The following OC90 variants were observed in gnomAD, a reference collection of about 807,000 sequenced individuals.
OC90 encodes the protein otoconin 90.
OC90 carries 46 observed loss-of-function variants against 47.3 expected under a neutral mutation model. That is an observed-to-expected ratio of 0.97 (90% CI 0.77 to 1.24). OC90 has a LOEUF of 1.24. Ranked by LOEUF, OC90 falls within the 50% of genes most tolerant of loss-of-function variation. The pLI, the probability that OC90 is intolerant of heterozygous loss-of-function variation, is 0.00. For missense variants in OC90, 688 were observed against 583.9 expected, an observed-to-expected ratio of 1.18 and a Z score of -1.84; for synonymous variants, 271 against 219.5, an observed-to-expected ratio of 1.23 and a Z score of -2.07.
At chr8:132,032,631 C>T (rs1448008541) in intron 11 of OC90, among the ~76,000 whole-genome samples, 2 of 152,252 alleles carry the variant, frequency 1.3e-5, no homozygotes, top group African/African-American at 4.8e-5. Context: ...GTATGCCCAA[C>T]AGGCCGTGGC....
At chr8:132,029,409 C>A (rs1364292853) in intron 12 of OC90, among the ~76,000 whole-genome samples, 1 of 152,144 alleles carries the variant, frequency 6.6e-6, no homozygotes, top group Non-Finnish European at 1.5e-5. Flanking sequence ...ATATTGTATG[C>A]ATCTTATTAT....
At chr8:132,028,117 C>A (rs1822785154) in intron 13 of OC90, among the ~76,000 whole-genome samples, 1 of 152,174 alleles carries the variant, frequency 6.6e-6, no homozygotes, top group African/African-American at 2.4e-5. Context: ...TCCCAGCCTG[C>A]TCGTCACCGG....
intron 13 of OC90, among the ~76,000 whole-genome samples, chr8:132,026,124 G>A (rs542524296): frequency 2.6e-5 from 4 of 152,306 alleles, no homozygotes; most frequent in East Asian, 1.9e-4. Context: ...TGGGCATCAT[G>A]TATTTTTATT....
At chr8:132,042,319 T>C (rs901661994) in intron 4 of OC90, among the ~76,000 whole-genome samples, 7 of 152,198 alleles carry the variant, frequency 4.6e-5, no homozygotes, top group Non-Finnish European at 1.0e-4. Context: ...ACCACACGCA[T>C]ATTGGTGCCT....
chr8:132,035,100 T>C (rs898913135), intron 9 of OC90, among the ~76,000 whole-genome samples: 4 of 152,194 alleles, frequency 2.6e-5, no homozygotes, highest in Non-Finnish European at 5.9e-5. Context: ...GCAAATACTT[T>C]GGGAATGACA....
At chr8:132,041,401 A>C in intron 5 of OC90, 124 bp downstream of exon 5, 1 of 821,340 alleles carries the variant, frequency 1.2e-6, no homozygotes, top group Non-Finnish European at 1.9e-6. Flanking sequence ...AGGTAGTGGA[A>C]TTAAACCCTC....
In OC90 at chr8:132,044,476, G is replaced by A; in HGVS notation, c.126C>T (p.Phe42=). The A allele has an allele frequency of 6.4e-7, 1 of 1,551,800 alleles. No individual in the cohort carries two copies. The highest frequency in any genetic ancestry group is 8.8e-7 in the Non-Finnish European group (1 of 1,139,150). ...GLPNNINITF[F]SGMFKNVESV... Reference sequence around the variant, plus strand: ...TTTCCACATTTTTAAACATCCCACTGAAGAAAGTGATATCTAAGTGTAAGA... The same window carrying A: ...TTTCCACATTTTTAAACATCCCACTAAAGAAAGTGATATCTAAGTGTAAGA... Residue 42 remains phenylalanine (F), a synonymous_variant, in exon 4 of 14, where the codon TTC becomes TTT. Coordinates refer to ENST00000254627, the MANE Select transcript of OC90 (RefSeq NM_001080399.3).
chr8:132,025,067 G>A (rs1822736292), intron 13 of OC90, among the ~76,000 whole-genome samples: 1 of 152,232 alleles, frequency 6.6e-6, no homozygotes, highest in South Asian at 2.1e-4. Flanking sequence ...TGTCTTTCCT[G>A]TGGGCTCCCA....
chr8:132,052,336 T>C (rs143418915), intron 2 of OC90, among the ~76,000 whole-genome samples: 78 of 152,350 alleles, frequency 5.1e-4, no homozygotes, highest in Non-Finnish European at 9.6e-4. Context: ...ATAATTGCCT[T>C]GGAAATTAAT....
intron 1 of OC90, among the ~76,000 whole-genome samples, chr8:132,059,137 C>T (rs1348089002): frequency 1.3e-5 from 2 of 150,276 alleles, no homozygotes; most frequent in African/African-American, 2.5e-5. Flanking sequence ...CTCCTTCCTC[C>T]TACCCTTTCT....
intron 3 of OC90, among the ~76,000 whole-genome samples, chr8:132,044,713 C>A (rs534809365): frequency 1.3e-5 from 2 of 152,136 alleles, no homozygotes; most frequent in Non-Finnish European, 2.9e-5. Context: ...GTACAAATGA[C>A]CCCTGGGTGG....
chr8:132,029,836 GA>G (rs1408440721), intron 12 of OC90, among the ~76,000 whole-genome samples: 1 of 152,178 alleles, frequency 6.6e-6, no homozygotes, highest in Non-Finnish European at 1.5e-5. Flanking sequence ...ACATCCTTAA[GA>G]AACTTATGAT....
chr8:132,055,074 C>T lies in OC90; in HGVS notation c.-47-1G>A. Reference sequence around the variant, plus strand: ...CTTAGGCAGCAACTGGAACGGACTCCTGGGAGAGAAGCCAGCAGAATAGGA... The same window carrying T: ...CTTAGGCAGCAACTGGAACGGACTCTTGGGAGAGAAGCCAGCAGAATAGGA... On this transcript the variant is annotated splice_acceptor_variant, in intron 1 of 13. Transcript: ENST00000254627. LOFTEE classifies it low-confidence loss of function (5UTR_SPLICE). 2.0e-6 allele frequency: 3 copies of T among 1,472,928 alleles called. No homozygotes were observed. The highest frequency in any genetic ancestry group is 4.9e-5 in the East Asian group (2 of 40,494). 91.2% of individuals were successfully genotyped at this position (1,472,928 alleles called of 1,614,324 possible).
At chr8:132,049,836 A>C (rs1209138993) in intron 2 of OC90, 6 of 518,500 alleles carry the variant, frequency 1.2e-5, no homozygotes, top group South Asian at 8.4e-5. Flanking sequence ...CATGGCTGTA[A>C]TGTATCACAG....
intron 1 of OC90, among the ~76,000 whole-genome samples, chr8:132,056,175 G>C (rs1167076188): frequency 6.6e-6 from 1 of 152,148 alleles, no homozygotes; most frequent in Non-Finnish European, 1.5e-5. Context: ...AAAAGCCAGA[G>C]CTTGACTCTG....
Position 132,024,387 on chromosome 8 carries a change from A to G in OC90, c.*94T>C, listed in dbSNP as rs927447458. ...CGCCTCTGAGTTAAAGGAAGGGAAG[A>G]AGGCTCCAAGGGACAGAGGAGGCTG... On this transcript the variant is annotated 3_prime_UTR_variant, in exon 14 of 14. Transcript: ENST00000254627. 2.3e-5 allele frequency: 24 copies of G among 1,028,626 alleles called. No homozygotes were observed. The highest frequency in any genetic ancestry group is 3.2e-5 in the Non-Finnish European group (23 of 720,252). 63.7% of individuals were successfully genotyped at this position (1,028,626 alleles called of 1,614,324 possible).
intron 2 of OC90, among the ~76,000 whole-genome samples, chr8:132,048,102 A>T (rs1278412006): frequency 6.6e-6 from 1 of 152,232 alleles, no homozygotes; most frequent in Non-Finnish European, 1.5e-5. Flanking sequence ...ACACTGAATC[A>T]TCTGGTGCCT....
chr8:132,031,777 G>A (rs1822878457), intron 12 of OC90, 104 bp downstream of exon 12: 1 of 953,782 alleles, frequency 1.0e-6, no homozygotes, highest in Non-Finnish European at 1.6e-6. Flanking sequence ...AGCATTTAGT[G>A]AGGCCCAAGT....
rs868212953 is a variant in OC90 at position 132,043,409 on chromosome 8, C to T, written c.169+1024G>A. Among the ~76,000 whole-genome samples, 5 of 152,366 alleles carry T rather than the reference C, an allele frequency of 3.3e-5. No homozygotes were observed. The Middle Eastern group carries it at 0.01, about 311-fold the overall frequency. ...GCCAAACACATGCCTAAGGCATCAA[C>T]CAGGGATAATGATTTGCCCTAAAGT... On this transcript the variant is annotated intron_variant, in intron 4 of 13. Coordinates refer to ENST00000254627, the MANE Select transcript of OC90 (RefSeq NM_001080399.3).
Sources: allele counts gnomAD v4.1 joint callset (sites outside exome capture counted in the v4.1 genomes callset), GRCh38; gene constraint gnomAD v4.1.1; transcripts MANE v1.5; gene names NCBI Gene and HGNC (gene_info 2026-07-23, HGNC 2026-07-21).